The following MRC1 variants were observed in gnomAD, a reference collection of about 807,000 sequenced individuals.
The protein encoded by MRC1 is mannose receptor C-type 1, also known as macrophage mannose receptor 1.
Under a neutral mutation model 102.9 loss-of-function variants are expected in MRC1, and 62 were observed. That is an observed-to-expected ratio of 0.60 (90% CI 0.49 to 0.74). The LOEUF (loss-of-function observed/expected upper bound fraction) is 0.74, where lower values mean the gene tolerates loss of function less well. Ranked by LOEUF, MRC1 falls within the 30% of genes least tolerant of loss-of-function variation. The pLI, the probability that MRC1 is intolerant of heterozygous loss-of-function variation, is 0.00. For synonymous variants in MRC1, 457 were observed against 298.4 expected, an observed-to-expected ratio of 1.53 and a Z score of -5.48; for missense variants, 1,237 against 862.8, an observed-to-expected ratio of 1.43 and a Z score of -5.43.
chr10:17,820,038 G>T (rs1554838166), intron 1 of MRC1, among the ~76,000 whole-genome samples: 1 of 152,170 alleles, frequency 6.6e-6, no homozygotes, highest in East Asian at 1.9e-4. Flanking sequence ...TCTTCAGCTT[G>T]TTTCTCTTAA....
chr10:17,892,221 A>G (rs1833689222), intron 22 of MRC1, among the ~76,000 whole-genome samples: 1 of 152,156 alleles, frequency 6.6e-6, no homozygotes, highest in Non-Finnish European at 1.5e-5. Flanking sequence ...TCTGCACTGT[A>G]AGAATCTGGT....
At chr10:17,879,023 C>T (rs1204660932) in intron 18 of MRC1, among the ~76,000 whole-genome samples, 4 of 152,086 alleles carry the variant, frequency 2.6e-5, no homozygotes, top group Non-Finnish European at 4.4e-5. Context: ...AGAGTAAACA[C>T]GAGAATCAGA....
chr10:17,849,058 A>G (rs1838872148), intron 6 of MRC1, among the ~76,000 whole-genome samples: 1 of 151,700 alleles, frequency 6.6e-6, no homozygotes, highest in Non-Finnish European at 1.5e-5. Flanking sequence ...TGCATAACAG[A>G]TGCTTAGTTC....
chr10:17,851,728 T>C (rs1481715553), intron 7 of MRC1, among the ~76,000 whole-genome samples: 2 of 152,244 alleles, frequency 1.3e-5, no homozygotes, highest in Admixed American at 6.5e-5. Context: ...CATTTGTTGC[T>C]GAAAAGATCA....
chr10:17,848,739 C>A (rs895237618), intron 6 of MRC1, among the ~76,000 whole-genome samples: 11 of 152,184 alleles, frequency 7.2e-5, no homozygotes, highest in African/African-American at 2.7e-4. Context: ...ACACAACTTA[C>A]CGCAAATTCA....
chr10:17,847,977 G>A (rs1395376106), intron 6 of MRC1, among the ~76,000 whole-genome samples: 1 of 149,030 alleles, frequency 6.7e-6, no homozygotes. Flanking sequence ...TTGTATTGAG[G>A]GAATAGAATT....
intron 20 of MRC1, 54 bp from the exon 21 acceptor site, chr10:17,881,013 C>G (rs1303471351): frequency 1.3e-6 from 1 of 778,782 alleles, no homozygotes; most frequent in Non-Finnish European, 2.4e-6. Context: ...AGTTGATCAT[C>G]TTTAGTTAAC....
intron 4 of MRC1, among the ~76,000 whole-genome samples, chr10:17,840,061 A>T: frequency 1.1e-5 from 1 of 92,982 alleles, no homozygotes. Context: ...GCAAGACTCC[A>T]ACTCAAAAAA....
intron 22 of MRC1, among the ~76,000 whole-genome samples, chr10:17,892,593 C>T (rs1204739835): frequency 6.6e-6 from 1 of 152,192 alleles, no homozygotes; most frequent in African/African-American, 2.4e-5. Flanking sequence ...CTTACATATC[C>T]AACTAGAGAC....
intron 7 of MRC1, among the ~76,000 whole-genome samples, chr10:17,851,888 G>A (rs1838922916): frequency 6.6e-6 from 1 of 152,190 alleles, no homozygotes; most frequent in Non-Finnish European, 1.5e-5. Context: ...AGGAGGAAGA[G>A]ACTAAACCGC....
At chr10:17,885,663 A>G (rs1833582641) in intron 22 of MRC1, among the ~76,000 whole-genome samples, 1 of 152,194 alleles carries the variant, frequency 6.6e-6, no homozygotes, top group Non-Finnish European at 1.5e-5. Flanking sequence ...CAGGAAACCC[A>G]GTTCCATTCT....
intron 3 of MRC1, among the ~76,000 whole-genome samples, chr10:17,829,506 G>T (rs1403309674): frequency 1.3e-5 from 2 of 151,544 alleles, no homozygotes; most frequent in African/African-American, 4.9e-5. Context: ...AGTTCTATTT[G>T]TCTCTCTTAT....
At position 17,823,255 on chromosome 10, in the gene MRC1, G is replaced by A. The variant is rs2253120; in HGVS notation, c.243G>A (p.Thr81=). ...TATGCCTGGGAGTGCCATCAAAAACGGACTGGGTTGCTATCACTCTCTATG... is the reference window on the plus strand; with the variant it reads ...TATGCCTGGGAGTGCCATCAAAAACAGACTGGGTTGCTATCACTCTCTATG... ...FKLCLGVPSK[T]DWVAITLYAC... The change falls in exon 2 of 30, where the codon ACG becomes ACA. Residue 81 remains threonine, a synonymous_variant. Transcript: ENST00000569591. 247,798 of 780,544 alleles carry A rather than the reference G, an allele frequency of 0.32. 40,079 individuals are homozygous for A. The highest frequency in any genetic ancestry group is 0.34 in the Admixed American group (19,816 of 58,988). The allele number at this position is 780,544 out of a possible 1,614,324, so 48.4% of individuals were successfully genotyped here.
At chr10:17,810,532 C>T (rs1298591202) in intron 1 of MRC1, among the ~76,000 whole-genome samples, 4 of 152,170 alleles carry the variant, frequency 2.6e-5, no homozygotes, top group Admixed American at 2.0e-4. Context: ...GTATGGTTTA[C>T]ATCCTGTCTC....
At chr10:17,830,815 A>T (rs1746540803) in intron 3 of MRC1, among the ~76,000 whole-genome samples, 1 of 151,230 alleles carries the variant, frequency 6.6e-6, no homozygotes, top group Non-Finnish European at 1.5e-5. Flanking sequence ...TACGTCATTT[A>T]TGTCACTTGC....
intron 4 of MRC1, among the ~76,000 whole-genome samples, chr10:17,836,868 A>G (rs1481352438): frequency 2.6e-5 from 4 of 152,156 alleles, no homozygotes; most frequent in African/African-American, 7.2e-5. Context: ...ATTTAAAAAA[A>G]AAGGAAAGAA....
chr10:17,841,168 T>C (rs1554839869), intron 5 of MRC1, among the ~76,000 whole-genome samples: 1 of 152,256 alleles, frequency 6.6e-6, no homozygotes, highest in African/African-American at 2.4e-5. Flanking sequence ...TGTTACTATA[T>C]ACTTGCTGTT....
At chr10:17,834,881 T>C (rs979899042) in intron 4 of MRC1, among the ~76,000 whole-genome samples, 6 of 152,190 alleles carry the variant, frequency 3.9e-5, no homozygotes, top group African/African-American at 1.4e-4. Flanking sequence ...CCCGATTTCT[T>C]GCCCCCAAAA....
intron 18 of MRC1, among the ~76,000 whole-genome samples, 191 bp from the exon 19 acceptor site, chr10:17,879,530 A>T (rs1408419360): frequency 1.3e-5 from 2 of 151,686 alleles, no homozygotes; most frequent in African/African-American, 4.8e-5. Context: ...ATTTTTTTTT[A>T]ATTTTAATTT....
Sources: gnomAD v4.1 joint callset for allele counts (sites outside exome capture counted in the v4.1 genomes callset) on GRCh38, gnomAD v4.1.1 for gene constraint, MANE v1.5 for transcripts, NCBI Gene and HGNC (gene_info 2026-07-23, HGNC 2026-07-21) for gene names.